CHRM3: variants seen among roughly 807,000 people sequenced by gnomAD.
CHRM3 encodes muscarinic acetylcholine receptor M3.
A neutral mutation model predicts 41.8 loss-of-function variants in CHRM3; 11 were observed. That is an observed-to-expected ratio of 0.26 (90% CI 0.17 to 0.44). CHRM3 has a LOEUF of 0.44. CHRM3 is among the 20% of genes least tolerant of loss of function. The pLI is 1.00. For synonymous variants in CHRM3, 297 were observed against 301.4 expected (o/e 0.99, Z 0.15); for missense variants, 571 against 745.4 (o/e 0.77, Z 2.72).
chr1:239,775,842 A>C (rs572203175), intron 5 of CHRM3, among the ~76,000 whole-genome samples: 174 of 152,328 alleles, frequency 1.1e-3, no homozygotes, highest in African/African-American at 4.0e-3. Context: ...TGACAAAAAG[A>C]GCATAAAAGA....
At chr1:239,430,668 A>T (rs2103167679) in intron 1 of CHRM3, among the ~76,000 whole-genome samples, 1 of 132,462 alleles carries the variant, frequency 7.5e-6, no homozygotes, top group African/African-American at 2.7e-5. Context: ...GTGTGCACAC[A>T]TACTAGATAT....
Position 239,914,695 on chromosome 1 carries a change from T to G in CHRM3, c.*5471T>G, listed in dbSNP as rs557126270. 6.6e-4 allele frequency: 110 copies of G among 167,218 alleles called. No individual in the cohort carries two copies. Among genetic ancestry groups the G allele is most frequent in the African/African-American group, 2.5e-3 (104 of 41,574 alleles). 10.4% of individuals were successfully genotyped at this position (167,218 alleles called of 1,614,324 possible). On this transcript the variant is annotated 3_prime_UTR_variant, in exon 7 of 7. Transcript: ENST00000676153. ...CAGGCTTCTCGGTTACTTGCCTTAG[T>G]AAAAGAAGTATCTGGAGGGCCTGGA...
intron 5 of CHRM3, among the ~76,000 whole-genome samples, chr1:239,799,386 A>G (rs2790336): frequency 0.36 from 55,306 of 151,988 alleles, 10,131 homozygotes; most frequent in Admixed American, 0.39. Context: ...TTCAAGGAGC[A>G]TTACCAGAGT....
chr1:239,744,561 G>A (rs543598392), intron 5 of CHRM3, among the ~76,000 whole-genome samples: 2 of 152,294 alleles, frequency 1.3e-5, no homozygotes, highest in South Asian at 4.1e-4. Flanking sequence ...TGAACGGCTT[G>A]TTCCCAAAAA....
intron 1 of CHRM3, among the ~76,000 whole-genome samples, chr1:239,423,572 T>C (rs1662125317): frequency 6.6e-6 from 1 of 152,182 alleles, no homozygotes; most frequent in Non-Finnish European, 1.5e-5. Context: ...CCATGCATTA[T>C]ATATTTGAGT....
intron 1 of CHRM3, among the ~76,000 whole-genome samples, chr1:239,448,442 C>T (rs1292942405): frequency 6.6e-6 from 1 of 151,976 alleles, no homozygotes. Context: ...GAATAGATTC[C>T]ATTCAATAAT....
At position 239,788,583 on chromosome 1, in the gene CHRM3, T is replaced by A. The variant is rs183970876; in HGVS notation, c.-146-38669T>A. 1.1e-3 allele frequency among the ~76,000 whole-genome samples: 167 copies of A among 152,180 alleles called. 1 individual carries two copies. The highest frequency in any genetic ancestry group is 3.9e-3 in the African/African-American group (162 of 41,518). The stretch of plus-strand genomic sequence containing the variant: ...GAGTTCCAGACCAGACTGAGCAACA[T>A]GGTGAAACCCCATCTCTACTAAAAA... On this transcript the variant is annotated intron_variant, in intron 5 of 6. Coordinates refer to ENST00000676153, the MANE Select transcript of CHRM3 (RefSeq NM_001375978.1).
chr1:239,535,440 G>A (rs545883314), intron 2 of CHRM3, among the ~76,000 whole-genome samples: 45 of 150,040 alleles, frequency 3.0e-4, no homozygotes, highest in African/African-American at 1.1e-3. Context: ...CAATCACCAA[G>A]TCTTACTTAA....
rs762445796 is a variant in CHRM3, at chr1:239,637,724, TG to T, written c.-250+5442del. On this transcript the variant is annotated intron_variant, in intron 4 of 6. Coordinates refer to ENST00000676153, the MANE Select transcript of CHRM3 (RefSeq NM_001375978.1). ...TTCACATTTTTCTTTTTTTTTTTTTTGGGGAATTTGTATTTCTTTGTGAATT... is the reference window on the plus strand; with the variant it reads ...TTCACATTTTTCTTTTTTTTTTTTTTGGGAATTTGTATTTCTTTGTGAATT... Among the ~76,000 whole-genome samples, 1,350 of 146,578 alleles carry T rather than the reference TG, an allele frequency of 9.2e-3. 21 individuals carry two copies. The highest frequency in any genetic ancestry group is 0.011 in the Non-Finnish European group (727 of 66,464).
At chr1:239,821,646 G>A (rs1672062083) in intron 5 of CHRM3, among the ~76,000 whole-genome samples, 1 of 152,190 alleles carries the variant, frequency 6.6e-6, no homozygotes, top group African/African-American at 2.4e-5. Context: ...GATAGAAAGT[G>A]ATCACATTTG....
chr1:239,400,266 CT>C (rs1307235765), intron 1 of CHRM3, among the ~76,000 whole-genome samples: 4 of 152,166 alleles, frequency 2.6e-5, no homozygotes, highest in Non-Finnish European at 5.9e-5. Context: ...TGAGAAATCT[CT>C]GTTCACATCT....
chr1:239,428,003 G>A (rs140448308), intron 1 of CHRM3, among the ~76,000 whole-genome samples: 5 of 152,230 alleles, frequency 3.3e-5, no homozygotes, highest in African/African-American at 9.6e-5. Flanking sequence ...TGCAAACCTC[G>A]GTGTCATTGT....
rs547648467 is a variant in CHRM3 at position 239,436,129 on chromosome 1, G to A, written c.-521+48902G>A. Among the ~76,000 whole-genome samples the A allele has an allele frequency of 4.6e-5, 7 of 152,314 alleles. No individual in the cohort carries two copies. The East Asian group carries it at 1.4e-3, about 29-fold the overall frequency. On this transcript the variant is annotated intron_variant, in intron 1 of 6. Coordinates refer to ENST00000676153, the MANE Select transcript of CHRM3 (RefSeq NM_001375978.1). ...TGTGTGCATGTGTATGCTCATGGGT[G>A]CGTAAGAGGGAGAGGCAAACCTTTT...
chr1:239,761,233 G>C (rs937636366), intron 5 of CHRM3, among the ~76,000 whole-genome samples: 4 of 151,964 alleles, frequency 2.6e-5, no homozygotes, highest in African/African-American at 9.7e-5. Flanking sequence ...CGTTTGATGT[G>C]GTTCTTTTTA....
rs192537116 is a variant in CHRM3, at chr1:239,561,992, G to T, written c.-313+16243G>T. On this transcript the variant is annotated intron_variant, in intron 3 of 6. Transcript: ENST00000676153. ...TTTCTTTCCCGTCGTCCATTGTACG[G>T]GAGGGCCAAGGTTGCTGCACCTGCT... is the stretch of plus-strand genomic sequence containing the variant. Among the ~76,000 whole-genome samples, 5 of 152,192 alleles carry T rather than the reference G, an allele frequency of 3.3e-5. No individual in the cohort carries two copies. The East Asian group carries it at 9.7e-4, about 29-fold the overall frequency.
At chr1:239,603,096 G>A (rs1018558047) in intron 3 of CHRM3, among the ~76,000 whole-genome samples, 3 of 45,096 alleles carry the variant, frequency 6.7e-5, no homozygotes, top group African/African-American at 1.0e-4. Context: ...CTTCATATAA[G>A]TGGAATATAC....
chr1:239,442,656 G>T (rs1427564263), intron 1 of CHRM3, among the ~76,000 whole-genome samples: 1 of 152,082 alleles, frequency 6.6e-6, no homozygotes, highest in Non-Finnish European at 1.5e-5. Context: ...CTGGAGAAGA[G>T]AAAAATATAA....
rs543354125 is a variant in CHRM3, at chr1:239,809,235, T to C, written c.-146-18017T>C. 7.1e-4 allele frequency among the ~76,000 whole-genome samples: 108 copies of C among 152,050 alleles called. 1 individual carries two copies. In the East Asian group the frequency reaches 0.02, roughly 28 times the overall value. ...AGGGGTTTCACCATGTTAGCCAGGA[T>C]GGTCTCGATCTCCTGACCACGTGAT... is the stretch of plus-strand genomic sequence containing the variant. On this transcript the variant is annotated intron_variant, in intron 5 of 6. Coordinates refer to ENST00000676153, the MANE Select transcript of CHRM3 (RefSeq NM_001375978.1).
At chr1:239,868,074 A>C (rs1676265199) in intron 6 of CHRM3, among the ~76,000 whole-genome samples, 1 of 152,178 alleles carries the variant, frequency 6.6e-6, no homozygotes. Flanking sequence ...CCAAACACTT[A>C]ATTATTGCTC....
Sources: gnomAD v4.1 joint callset for allele counts (sites outside exome capture counted in the v4.1 genomes callset) on GRCh38, gnomAD v4.1.1 for gene constraint, MANE v1.5 for transcripts, NCBI Gene and HGNC (gene_info 2026-07-23, HGNC 2026-07-21) for gene names.